The following FBXO36 variants were observed in gnomAD, a reference collection of about 807,000 sequenced individuals.
The protein encoded by FBXO36 is F-box protein 36, also known as F-box only protein 36.
FBXO36 carries 18 observed loss-of-function variants against 17.0 expected under a neutral mutation model. The observed-to-expected ratio is 1.06, with a 90% CI of 0.73 to 1.57. FBXO36 has a LOEUF of 1.57. FBXO36 is among the 40% of genes most tolerant of loss of function. The pLI, the probability that FBXO36 is intolerant of heterozygous loss-of-function variation, is 0.00. For synonymous variants in FBXO36, 83 were observed against 85.3 expected, an observed-to-expected ratio of 0.97 and a Z score of 0.15; for missense variants, 229 against 221.9, an observed-to-expected ratio of 1.03 and a Z score of -0.20.
At chr2:229,942,158 G>C (rs553822106) in intron 1 of FBXO36, among the ~76,000 whole-genome samples, 1 of 152,270 alleles carries the variant, frequency 6.6e-6, no homozygotes, top group East Asian at 1.9e-4. Flanking sequence ...AGGTGGAATA[G>C]GGCTGGGCCT....
intron 1 of FBXO36, among the ~76,000 whole-genome samples, chr2:229,972,955 G>A (rs971669959): frequency 1.3e-5 from 2 of 151,622 alleles, no homozygotes; most frequent in Admixed American, 6.6e-5. Flanking sequence ...CCAGCTACTC[G>A]AGAGGTTGAG....
chr2:229,939,460 A>T (rs1379527917), intron 1 of FBXO36, among the ~76,000 whole-genome samples: 1 of 152,006 alleles, frequency 6.6e-6, no homozygotes, highest in African/African-American at 2.4e-5. Flanking sequence ...AAAAAAAAAA[A>T]ATTAGCCGGA....
At chr2:229,933,871 A>G (rs1228053039) in intron 1 of FBXO36, among the ~76,000 whole-genome samples, 3 of 151,960 alleles carry the variant, frequency 2.0e-5, no homozygotes, top group Non-Finnish European at 4.4e-5. Context: ...TTTTTAGTAA[A>G]GATGGGATTT....
intron 2 of FBXO36, among the ~76,000 whole-genome samples, chr2:229,988,542 T>G (rs1390372058): frequency 2.0e-5 from 3 of 152,204 alleles, no homozygotes; most frequent in South Asian, 2.1e-4. Flanking sequence ...TTGTTTGTTT[T>G]TTTGTTTTTG....
chr2:229,995,124 G>C (rs1425210922), intron 2 of FBXO36, among the ~76,000 whole-genome samples: 2 of 151,860 alleles, frequency 1.3e-5, no homozygotes, highest in African/African-American at 4.8e-5. Flanking sequence ...AAAAAAAAAA[G>C]AGGTAGTCTT....
chr2:229,933,906 G>A (rs111320842), intron 1 of FBXO36, among the ~76,000 whole-genome samples: 4 of 151,660 alleles, frequency 2.6e-5, no homozygotes, highest in African/African-American at 7.3e-5. Context: ...GGCTGGTCTC[G>A]AACTCCTGAA....
chr2:229,925,872 G>A (rs1379101578), intron 1 of FBXO36, among the ~76,000 whole-genome samples: 1 of 152,000 alleles, frequency 6.6e-6, no homozygotes, highest in African/African-American at 2.4e-5. Context: ...TCTTGGGAGA[G>A]GGGTTTTATT....
chr2:229,997,016 T>G (rs1473272332), intron 3 of FBXO36, 93 bp downstream of exon 3: 1 of 1,146,892 alleles, frequency 8.7e-7, no homozygotes, highest in Non-Finnish European at 1.3e-6. Context: ...AGTACTAACT[T>G]TGTGATGGAC....
intron 3 of FBXO36, among the ~76,000 whole-genome samples, chr2:229,999,949 T>G (rs1199963070): frequency 6.6e-6 from 1 of 152,160 alleles, no homozygotes; most frequent in Non-Finnish European, 1.5e-5. Flanking sequence ...AAATATATTT[T>G]TTACTTGATT....
intron 1 of FBXO36, among the ~76,000 whole-genome samples, chr2:229,936,604 C>T (rs1032775582): frequency 6.6e-6 from 1 of 152,110 alleles, no homozygotes; most frequent in African/African-American, 2.4e-5. Context: ...CACGGTGGCT[C>T]ACACTTGTAA....
chr2:229,984,715 C>G (rs1413272129), intron 2 of FBXO36, among the ~76,000 whole-genome samples: 1 of 152,054 alleles, frequency 6.6e-6, no homozygotes, highest in African/African-American at 2.4e-5. Context: ...ACTTGTTTTG[C>G]TCTTCATATA....
intron 1 of FBXO36, among the ~76,000 whole-genome samples, chr2:229,952,797 G>A (rs1304566216): frequency 6.6e-6 from 1 of 152,180 alleles, no homozygotes; most frequent in Admixed American, 6.6e-5. Context: ...GCAGCCTTGA[G>A]CTGTGCAACT....
chr2:230,002,992 C>T (rs1459259075), intron 3 of FBXO36, among the ~76,000 whole-genome samples: 1 of 151,868 alleles, frequency 6.6e-6, no homozygotes, highest in African/African-American at 2.4e-5. Context: ...GCGGATGGAT[C>T]ACGAGGTCAG....
intron 3 of FBXO36, among the ~76,000 whole-genome samples, chr2:230,009,131 A>G (rs2077401761): frequency 6.6e-6 from 1 of 152,108 alleles, no homozygotes; most frequent in African/African-American, 2.4e-5. Flanking sequence ...TGGTGTCAGG[A>G]GGTAGAGGTC....
chr2:229,972,552 G>C (rs1308060280), intron 1 of FBXO36, among the ~76,000 whole-genome samples: 1 of 152,026 alleles, frequency 6.6e-6, no homozygotes, highest in Non-Finnish European at 1.5e-5. Context: ...CAGAGGGAGA[G>C]AGGAGGAGGG....
intron 1 of FBXO36, among the ~76,000 whole-genome samples, chr2:229,922,903 A>C (rs1347140070): frequency 6.6e-6 from 1 of 152,104 alleles, no homozygotes; most frequent in Non-Finnish European, 1.5e-5. Context: ...CCTCCGCGCG[A>C]AGAGGAAAAC....
rs183967282 is a variant in FBXO36, at chr2:230,012,634, A to C, written c.*1750A>C. ...GAGCAAGAAGGCACGTGCTCTGCAG[A>C]GCTCTAGCTGCCTTGGCTCTCCCTG... On this transcript the variant is annotated 3_prime_UTR_variant, in exon 4 of 4. Coordinates refer to ENST00000283946, the MANE Select transcript of FBXO36 (RefSeq NM_174899.5). The C allele has an allele frequency of 6.6e-6, 1 of 152,038 alleles. No homozygotes were observed. Among genetic ancestry groups the C allele is most frequent in the Admixed American group, 6.5e-5 (1 of 15,274 alleles). 9.4% of individuals were successfully genotyped at this position (152,038 alleles called of 1,614,324 possible).
intron 3 of FBXO36, among the ~76,000 whole-genome samples, chr2:230,008,862 G>A (rs923007677): frequency 1.3e-5 from 2 of 152,190 alleles, no homozygotes; most frequent in Admixed American, 1.3e-4. Context: ...AAGATAATGA[G>A]TGACCCTTCT....
chr2:229,941,715 G>T (rs73103553), intron 1 of FBXO36, among the ~76,000 whole-genome samples: 21,445 of 151,974 alleles, frequency 0.14, 1,616 homozygotes, highest in Admixed American at 0.2. Context: ...TCACCTTTTA[G>T]TAGAGAACCC....
Sources: gnomAD v4.1 joint callset for allele counts (sites outside exome capture counted in the v4.1 genomes callset) on GRCh38, gnomAD v4.1.1 for gene constraint, MANE v1.5 for transcripts, NCBI Gene and HGNC (gene_info 2026-07-23, HGNC 2026-07-21) for gene names.